Variants in GNAO1 observed in about 807,000 individuals in gnomAD.
GNAO1 encodes the protein G protein subunit alpha o1.
For missense variants in GNAO1, 166 were observed against 478.7 expected (o/e 0.35, Z 6.10); for synonymous variants, 164 against 180.7 (o/e 0.91, Z 0.74).
intron 2 of GNAO1, among the ~76,000 whole-genome samples, chr16:56,269,568 T>C (rs1477927589): frequency 6.6e-6 from 1 of 152,150 alleles, no homozygotes; most frequent in Non-Finnish European, 1.5e-5. Flanking sequence ...CAGGAACAGA[T>C]GCGGAAACAA....
chr16:56,316,276 T>C (rs2037508724), intron 3 of GNAO1, among the ~76,000 whole-genome samples: 1 of 152,084 alleles, frequency 6.6e-6, no homozygotes, highest in African/African-American at 2.4e-5. Flanking sequence ...GCCTGGCATT[T>C]CCTCTGCCAG....
intron 3 of GNAO1, among the ~76,000 whole-genome samples, chr16:56,310,252 C>G (rs1180985337): frequency 2.0e-5 from 3 of 152,158 alleles, no homozygotes; most frequent in Non-Finnish European, 4.4e-5. Flanking sequence ...ATTGCTTGAG[C>G]CTGGGGGGTT....
chr16:56,199,951 A>C (rs1161121311), intron 2 of GNAO1, among the ~76,000 whole-genome samples: 2 of 152,226 alleles, frequency 1.3e-5, no homozygotes, highest in African/African-American at 4.8e-5. Flanking sequence ...TTTGTCAACC[A>C]TCCTAGAAAT....
intron 3 of GNAO1, among the ~76,000 whole-genome samples, chr16:56,297,656 GC>G (rs1376633548): frequency 6.6e-6 from 1 of 151,422 alleles, no homozygotes; most frequent in African/African-American, 2.4e-5. Flanking sequence ...AAGTGTTATA[GC>G]ATCCTGGTGG....
Position 56,295,826 on chromosome 16 carries a change from A to T in GNAO1, c.303+19754A>T, listed in dbSNP as rs117541323. On this transcript the variant is annotated intron_variant, in intron 3 of 8. Coordinates refer to ENST00000262493, the MANE Select transcript of GNAO1 (RefSeq NM_020988.3). ...CTGTTGTCAAAGGCTTCCTTTCTGA[A>T]TCAGAAACCTGGGGCTCCTGGGTAG... Among the ~76,000 whole-genome samples, 155 of 152,290 alleles carry T rather than the reference A, an allele frequency of 1.0e-3. No individual in the cohort carries two copies. In the East Asian group the frequency reaches 0.027, roughly 26 times the overall value.
chr16:56,286,961 G>C (rs2037177977), intron 3 of GNAO1, among the ~76,000 whole-genome samples: 1 of 152,192 alleles, frequency 6.6e-6, no homozygotes, highest in South Asian at 2.1e-4. Flanking sequence ...GCTGCCCCGT[G>C]CAGGAGATGA....
intron 2 of GNAO1, chr16:56,193,548 C>G: frequency 6.2e-6 from 1 of 160,658 alleles, no homozygotes; most frequent in Admixed American, 5.9e-5. Context: ...TATCAGTTTC[C>G]CCTCCTAATT....
intron 2 of GNAO1, among the ~76,000 whole-genome samples, chr16:56,229,333 T>C (rs1308323598): frequency 6.6e-6 from 1 of 152,076 alleles, no homozygotes; most frequent in Non-Finnish European, 1.5e-5. Context: ...GCCTCCTGAG[T>C]AGCTGTGATT....
chr16:56,342,697 G>A (rs1166647285), intron 6 of GNAO1, among the ~76,000 whole-genome samples: 2 of 152,232 alleles, frequency 1.3e-5, no homozygotes. Context: ...GGCCTGCTCT[G>A]TGGACTCCCA....
chr16:56,294,319 AC>A (rs2037262543), intron 3 of GNAO1, among the ~76,000 whole-genome samples: 1 of 148,680 alleles, frequency 6.7e-6, no homozygotes, highest in African/African-American at 2.5e-5. Flanking sequence ...CTTTGCTCCA[AC>A]CACAGCAGAA....
At position 56,345,139 on chromosome 16, in the gene GNAO1, G is replaced by A. The variant is rs1388128674; in HGVS notation, c.724-6245G>A. 13 of 985,704 alleles carry A rather than the reference G, an allele frequency of 1.3e-5. No individual in the cohort carries two copies. The Admixed American group carries it at 3.1e-4, about 23-fold the overall frequency. 61.1% of individuals were successfully genotyped at this position (985,704 alleles called of 1,614,324 possible). A position where few individuals can be genotyped will look rare whatever the true frequency, so the allele number is the denominator to read the frequency against. On this transcript the variant is annotated intron_variant, in intron 6 of 8. Coordinates refer to ENST00000262493, the MANE Select transcript of GNAO1 (RefSeq NM_020988.3). ...GAGATCCCTGAGCAGAAGGGGGCGGGGTAGCTTCTCCCGGTGACGGTGACG... is the reference window on the plus strand; with the variant it reads ...GAGATCCCTGAGCAGAAGGGGGCGGAGTAGCTTCTCCCGGTGACGGTGACG...
At chr16:56,282,654 C>T (rs1000807754) in intron 3 of GNAO1, among the ~76,000 whole-genome samples, 1 of 152,216 alleles carries the variant, frequency 6.6e-6, no homozygotes, top group Non-Finnish European at 1.5e-5. Flanking sequence ...ATCTCACTTC[C>T]TCAATGGCCC....
intron 2 of GNAO1, among the ~76,000 whole-genome samples, chr16:56,196,167 C>T (rs1029677917): frequency 1.1e-4 from 16 of 151,880 alleles, no homozygotes; most frequent in African/African-American, 3.9e-4. Flanking sequence ...ATTGTGAATT[C>T]GTGTGAGGGA....
chr16:56,327,288 CAAG>C (rs1330001169), intron 3 of GNAO1, among the ~76,000 whole-genome samples: 3 of 152,090 alleles, frequency 2.0e-5, no homozygotes. Context: ...CACGGCCTCT[CAAG>C]GAGCTGGCAC....
chr16:56,258,392 C>G (rs2143476194), intron 2 of GNAO1, among the ~76,000 whole-genome samples: 1 of 152,298 alleles, frequency 6.6e-6, no homozygotes, highest in Non-Finnish European at 1.5e-5. Context: ...ATAAAAATGT[C>G]CAGCACAAAG....
intron 6 of GNAO1, chr16:56,347,756 T>TA: frequency 1.1e-6 from 1 of 918,328 alleles, no homozygotes; most frequent in Non-Finnish European, 1.3e-6. Context: ...GTCCTCCCCT[T>TA]CCCTCCCCAC....
At chr16:56,344,992 G>C in intron 6 of GNAO1, 1 of 985,212 alleles carries the variant, frequency 1.0e-6, no homozygotes, top group Non-Finnish European at 1.2e-6. Flanking sequence ...TGGGGACAGA[G>C]GACAGCAGGG....
At chr16:56,243,872 G>T (rs1436638472) in intron 2 of GNAO1, among the ~76,000 whole-genome samples, 1 of 152,196 alleles carries the variant, frequency 6.6e-6, no homozygotes. Flanking sequence ...CATTTTACGT[G>T]CATTAACTCA....
intron 2 of GNAO1, among the ~76,000 whole-genome samples, chr16:56,204,746 A>C (rs1379866354): frequency 1.3e-5 from 2 of 152,172 alleles, no homozygotes; most frequent in African/African-American, 4.8e-5. Context: ...CAAACTCAAA[A>C]AATTTTTATG....
Sources: gnomAD v4.1 joint callset for allele counts (sites outside exome capture counted in the v4.1 genomes callset) on GRCh38, gnomAD v4.1.1 for gene constraint, MANE v1.5 for transcripts, NCBI Gene and HGNC (gene_info 2026-07-23, HGNC 2026-07-21) for gene names.